STON2: variants seen among roughly 807,000 people sequenced by gnomAD.
The protein encoded by STON2 is stonin-2.
Under a neutral mutation model 65.7 loss-of-function variants are expected in STON2, and 29 were observed. The observed-to-expected ratio is 0.44, with a 90% CI of 0.33 to 0.60. The LOEUF is 0.60. STON2 is among the 20% of genes least tolerant of loss of function. The pLI is 0.03. For synonymous variants in STON2, 404 were observed against 414.2 expected, an observed-to-expected ratio of 0.98 and a Z score of 0.30; for missense variants, 1,054 against 1,118.1, an observed-to-expected ratio of 0.94 and a Z score of 0.82.
chr14:81,421,542 G>A (rs1312384334), intron 2 of STON2, among the ~76,000 whole-genome samples: 1 of 152,236 alleles, frequency 6.6e-6, no homozygotes, highest in Non-Finnish European at 1.5e-5. Context: ...CAAGATGGGG[G>A]ATAGAGAGGA....
chr14:81,377,904 A>G lies in STON2; in HGVS notation c.374-6719T>C, dbSNP rs186581062. On this transcript the variant is annotated intron_variant, in intron 3 of 7. Coordinates refer to ENST00000614646, the MANE Select transcript of STON2 (RefSeq NM_001394390.1). ...CTCTTGTTGCCCAGGCTGGAGTGCAATGGCATGATCTCAGCTCACCACAAC... is the reference window on the plus strand; with the variant it reads ...CTCTTGTTGCCCAGGCTGGAGTGCAGTGGCATGATCTCAGCTCACCACAAC... Among the ~76,000 whole-genome samples the G allele has an allele frequency of 9.4e-4, 142 of 151,650 alleles. 1 individual carries two copies. Among genetic ancestry groups the G allele is most frequent in the African/African-American group, 3.1e-3 (130 of 41,316 alleles).
intron 7 of STON2, chr14:81,270,361 A>G: frequency 7.6e-7 from 1 of 1,322,252 alleles, no homozygotes; most frequent in Non-Finnish European, 9.6e-7. Context: ...CTGGGATTAC[A>G]GGTGTGAGCC....
Position 81,269,338 on chromosome 14 carries a change from C to T in STON2, c.2785-841G>A, listed in dbSNP as rs185607490. ...GTACTTTCTCTCTTTAGAAAACCTC[C>T]GAACTGATAAATACTGGAATGTTTA... On this transcript the variant is annotated intron_variant, in intron 7 of 7. Transcript: ENST00000614646. The T allele has an allele frequency of 6.7e-4, 657 of 985,418 alleles. 11 individuals carry two copies. In the Middle Eastern group the frequency reaches 9.9e-3, roughly 15 times the overall value. 61.0% of individuals were successfully genotyped at this position (985,418 alleles called of 1,614,324 possible).
chr14:81,395,650 A>C (rs1055599057), intron 3 of STON2: 51 of 492,586 alleles, frequency 1.0e-4, no homozygotes, highest in Non-Finnish European at 1.7e-4. Context: ...ACAAGTCAAC[A>C]GCCAGGGACA....
chr14:81,412,875 C>T (rs1327982312), intron 2 of STON2: 6 of 545,474 alleles, frequency 1.1e-5, no homozygotes, highest in Admixed American at 3.5e-5. Context: ...AGAGGCGCCA[C>T]GGCTTCCATA....
intron 4 of STON2, among the ~76,000 whole-genome samples, chr14:81,358,284 G>A (rs1898339262): frequency 6.6e-6 from 1 of 152,042 alleles, no homozygotes; most frequent in Non-Finnish European, 1.5e-5. Context: ...GGGGGAGGGA[G>A]GAGTAAATGT....
chr14:81,361,688 C>T (rs1207846119), intron 4 of STON2, among the ~76,000 whole-genome samples: 4 of 151,608 alleles, frequency 2.6e-5, no homozygotes, highest in Admixed American at 2.6e-4. Context: ...ACAAAGGAAA[C>T]AACAGAGTGA....
chr14:81,390,255 C>T (rs780996487), intron 3 of STON2, among the ~76,000 whole-genome samples: 2 of 151,510 alleles, frequency 1.3e-5, no homozygotes, highest in Non-Finnish European at 2.9e-5. Flanking sequence ...AAGACAACCG[C>T]AAGAGATGGT....
chr14:81,430,704 C>A (rs576244818), intron 1 of STON2, among the ~76,000 whole-genome samples: 1 of 152,120 alleles, frequency 6.6e-6, no homozygotes, highest in Non-Finnish European at 1.5e-5. Flanking sequence ...AGTCTACCTC[C>A]TGAAAGTGCT....
At chr14:81,414,732 C>T (rs1399415609) in intron 2 of STON2, among the ~76,000 whole-genome samples, 1 of 152,000 alleles carries the variant, frequency 6.6e-6, no homozygotes, top group Non-Finnish European at 1.5e-5. Context: ...AGGAATGACA[C>T]AACAAGAGCA....
intron 2 of STON2, among the ~76,000 whole-genome samples, chr14:81,416,736 C>A (rs1382455593): frequency 6.6e-6 from 1 of 152,198 alleles, no homozygotes; most frequent in South Asian, 2.1e-4. Flanking sequence ...AGCACTGTGA[C>A]CAAAGCTATG....
intron 5 of STON2, among the ~76,000 whole-genome samples, chr14:81,298,189 G>A (rs1338260490): frequency 6.6e-6 from 1 of 152,162 alleles, no homozygotes; most frequent in Non-Finnish European, 1.5e-5. Flanking sequence ...TTCCAGCGAT[G>A]AAGCCTATTC....
chr14:81,433,609 T>C (rs555846515), intron 1 of STON2, among the ~76,000 whole-genome samples: 5 of 152,370 alleles, frequency 3.3e-5, no homozygotes, highest in African/African-American at 1.2e-4. Context: ...GTGAGTTACC[T>C]TGACCAACAG....
chr14:81,317,842 A>G, intron 5 of STON2, among the ~76,000 whole-genome samples: 1 of 152,192 alleles, frequency 6.6e-6, no homozygotes, highest in East Asian at 1.9e-4. Context: ...TAATCTTTAC[A>G]TTTTAGAGGA....
intron 3 of STON2, among the ~76,000 whole-genome samples, chr14:81,383,397 G>C (rs1318871368): frequency 6.6e-6 from 1 of 152,186 alleles, no homozygotes. Flanking sequence ...AGGTGGTGAT[G>C]GTTATTATTC....
intron 4 of STON2, among the ~76,000 whole-genome samples, chr14:81,356,508 G>T (rs28843462): frequency 0.3 from 45,646 of 151,098 alleles, 7,161 homozygotes; most frequent in East Asian, 0.4. Context: ...GGTATCAGGA[G>T]GATGCTGGCC....
intron 2 of STON2, among the ~76,000 whole-genome samples, chr14:81,414,362 A>C (rs1220295706): frequency 6.6e-6 from 1 of 152,168 alleles, no homozygotes; most frequent in African/African-American, 2.4e-5. Flanking sequence ...GCAAAAGAAA[A>C]GAAGTGGCCA....
At chr14:81,321,238 G>GT (rs530884667) in intron 5 of STON2, among the ~76,000 whole-genome samples, 603 of 152,140 alleles carry the variant, frequency 4.0e-3, no homozygotes, top group Admixed American at 6.7e-3. Context: ...TTCTTTAAAT[G>GT]TTTACATGTG....
At chr14:81,301,609 T>C (rs1246952109) in intron 5 of STON2, among the ~76,000 whole-genome samples, 1 of 152,166 alleles carries the variant, frequency 6.6e-6, no homozygotes, top group East Asian at 1.9e-4. Flanking sequence ...AGAGAGAATG[T>C]CTGAAGACAT....
Sources: allele counts gnomAD v4.1 joint callset (sites outside exome capture counted in the v4.1 genomes callset), GRCh38; gene constraint gnomAD v4.1.1; transcripts MANE v1.5; gene names NCBI Gene and HGNC (gene_info 2026-07-23, HGNC 2026-07-21).